Variants in PTPRD observed in about 807,000 individuals in gnomAD.
PTPRD encodes the protein protein tyrosine phosphatase receptor type D, also known as receptor-type tyrosine-protein phosphatase delta.
In PTPRD, 34 loss-of-function variants were observed where a neutral mutation model predicts 214.5. The ratio of observed to expected loss-of-function variants is 0.16; its 90% confidence interval spans 0.12 to 0.21. PTPRD has a LOEUF of 0.21. Ranked by LOEUF, PTPRD falls within the 10% of genes least tolerant of loss-of-function variation. The probability of loss-of-function intolerance (pLI) is 1.00; values close to 1 mark genes in which losing one functional copy is unlikely to be tolerated. For missense variants in PTPRD, 2,545 were observed against 2,398.7 expected (o/e 1.06, Z -1.27); for synonymous variants, 1,128 against 845.7 (o/e 1.33, Z -5.79).
At chr9:10,272,523 C>G (rs1432053956) in intron 3 of PTPRD, among the ~76,000 whole-genome samples, 1 of 152,060 alleles carries the variant, frequency 6.6e-6, no homozygotes, top group Admixed American at 6.5e-5. Context: ...ACACATAGTT[C>G]TTGTATCCTA....
chr9:10,424,244 A>G (rs1475209520), intron 2 of PTPRD, among the ~76,000 whole-genome samples: 4 of 151,946 alleles, frequency 2.6e-5, no homozygotes, highest in Non-Finnish European at 5.9e-5. Flanking sequence ...ATGATTAATA[A>G]GCATTGGCCA....
At chr9:9,761,471 C>A (rs553967154) in intron 6 of PTPRD, among the ~76,000 whole-genome samples, 1 of 152,184 alleles carries the variant, frequency 6.6e-6, no homozygotes, top group South Asian at 2.1e-4. Context: ...TATTCAATGT[C>A]TTGACTGTGG....
Position 9,708,710 on chromosome 9 carries a change from G to A in PTPRD, c.-287+25823C>T, listed in dbSNP as rs183739186. On this transcript the variant is annotated intron_variant, in intron 7 of 45. Transcript: ENST00000381196. ...TAAAAAGAGAGATAAGTCTATACCCGTCAGATAACTCTTGATTGATGAAAA... is the reference window on the plus strand; with the variant it reads ...TAAAAAGAGAGATAAGTCTATACCCATCAGATAACTCTTGATTGATGAAAA... Among the ~76,000 whole-genome samples the A allele has an allele frequency of 7.2e-3, 1,089 of 151,894 alleles. 11 individuals carry two copies. The highest frequency in any genetic ancestry group is 0.025 in the African/African-American group (1,036 of 41,460).
chr9:9,826,612 G>C (rs868411160), intron 5 of PTPRD, among the ~76,000 whole-genome samples: 18 of 151,856 alleles, frequency 1.2e-4, no homozygotes, highest in African/African-American at 3.9e-4. Context: ...CTGCTATTTG[G>C]TACTCATAGT....
At chr9:10,502,059 T>G (rs1224811402) in intron 2 of PTPRD, among the ~76,000 whole-genome samples, 5 of 151,788 alleles carry the variant, frequency 3.3e-5, no homozygotes, top group African/African-American at 9.6e-5. Context: ...TTAATTTTTT[T>G]TAAGAAAATA....
chr9:10,230,439 T>TCTATCTAC (rs2099605171), intron 3 of PTPRD, among the ~76,000 whole-genome samples: 1 of 126,290 alleles, frequency 7.9e-6, no homozygotes, highest in African/African-American at 2.9e-5. Context: ...TATCTATGTA[T>TCTATCTAC]CTATCTATCT....
chr9:8,527,692 C>T (rs1446438110), intron 15 of PTPRD, among the ~76,000 whole-genome samples: 1 of 152,038 alleles, frequency 6.6e-6, no homozygotes, highest in Non-Finnish European at 1.5e-5. Context: ...TGTGAAATTA[C>T]CTAGGGACAG....
At chr9:10,052,315 C>A (rs1567338220) in intron 3 of PTPRD, among the ~76,000 whole-genome samples, 1 of 152,108 alleles carries the variant, frequency 6.6e-6, no homozygotes, top group Non-Finnish European at 1.5e-5. Flanking sequence ...TGAGCTCATT[C>A]AAACACTGAG....
At chr9:8,615,072 T>A (rs1321754237) in intron 14 of PTPRD, among the ~76,000 whole-genome samples, 2 of 152,150 alleles carry the variant, frequency 1.3e-5, no homozygotes, top group Admixed American at 1.3e-4. Flanking sequence ...CCTGCTTTGA[T>A]AATGTTCTGG....
At chr9:10,149,064 T>C (rs2099043142) in intron 3 of PTPRD, among the ~76,000 whole-genome samples, 1 of 152,204 alleles carries the variant, frequency 6.6e-6, no homozygotes, top group Admixed American at 6.5e-5. Context: ...GACATGAGAA[T>C]ATATGATTCA....
chr9:8,548,182 A>G (rs1430694562), intron 14 of PTPRD, among the ~76,000 whole-genome samples: 2 of 152,204 alleles, frequency 1.3e-5, no homozygotes, highest in Non-Finnish European at 2.9e-5. Context: ...GAAAGATTAA[A>G]TAAGTGCGAG....
intron 23 of PTPRD, among the ~76,000 whole-genome samples, chr9:8,502,036 A>T (rs2097421452): frequency 6.6e-6 from 1 of 152,146 alleles, no homozygotes; most frequent in South Asian, 2.1e-4. Flanking sequence ...TTTGTACATA[A>T]TTATTCATAC....
chr9:8,998,788 G>C (rs931339102), intron 11 of PTPRD, among the ~76,000 whole-genome samples: 1 of 151,672 alleles, frequency 6.6e-6, no homozygotes, highest in Non-Finnish European at 1.5e-5. Context: ...AGAACATTTG[G>C]GATTCATGGG....
chr9:8,371,226 G>A (rs1435723546), intron 39 of PTPRD, among the ~76,000 whole-genome samples: 4 of 151,792 alleles, frequency 2.6e-5, no homozygotes, highest in South Asian at 2.1e-4. Flanking sequence ...AATATAAAGG[G>A]AAAAAAATAT....
chr9:10,330,702 T>C (rs1331205535), intron 3 of PTPRD, among the ~76,000 whole-genome samples: 1 of 151,810 alleles, frequency 6.6e-6, no homozygotes, highest in Non-Finnish European at 1.5e-5. Context: ...GGTAGTAATG[T>C]TTACTCTCCA....
chr9:9,665,709 T>A (rs1341098505), intron 7 of PTPRD, among the ~76,000 whole-genome samples: 3 of 151,824 alleles, frequency 2.0e-5, no homozygotes, highest in African/African-American at 7.2e-5. Flanking sequence ...TTTATATCCT[T>A]TTTTCCTAGC....
At chr9:10,145,045 C>CA (rs1326287472) in intron 3 of PTPRD, among the ~76,000 whole-genome samples, 2 of 151,942 alleles carry the variant, frequency 1.3e-5, no homozygotes, top group Admixed American at 6.6e-5. Context: ...ACCGATTTTT[C>CA]AAAAAATTAA....
At chr9:10,238,934 C>A (rs2099637847) in intron 3 of PTPRD, among the ~76,000 whole-genome samples, 1 of 151,778 alleles carries the variant, frequency 6.6e-6, no homozygotes, top group South Asian at 2.1e-4. Context: ...CGATTTATGA[C>A]AACATGGGAA....
At chr9:8,496,211 A>ACACACACACACAAAC (rs1554641959) in intron 26 of PTPRD, among the ~76,000 whole-genome samples, 1 of 91,450 alleles carries the variant, frequency 1.1e-5, no homozygotes, top group African/African-American at 3.6e-5. Flanking sequence ...CACACACACA[A>ACACACACACACAAAC]ACACACACAC....
Sources: gnomAD v4.1 joint callset for allele counts (sites outside exome capture counted in the v4.1 genomes callset) on GRCh38, gnomAD v4.1.1 for gene constraint, MANE v1.5 for transcripts, NCBI Gene and HGNC (gene_info 2026-07-23, HGNC 2026-07-21) for gene names.